Variants in L3MBTL4 observed in about 807,000 individuals in gnomAD.
L3MBTL4 encodes the protein L3MBTL histone methyl-lysine binding protein 4.
L3MBTL4 carries 70 observed loss-of-function variants against 84.5 expected under a neutral mutation model. That is an observed-to-expected ratio of 0.83 (90% CI 0.68 to 1.01). The LOEUF (loss-of-function observed/expected upper bound fraction) is 1.01, where lower values mean the gene tolerates loss of function less well. Among genes scored for constraint, L3MBTL4 ranks in the 50% least tolerant of loss-of-function variants. The pLI, the probability that L3MBTL4 is intolerant of heterozygous loss-of-function variation, is 0.00. For synonymous variants in L3MBTL4, 274 were observed against 259.8 expected (o/e 1.05, Z -0.52); for missense variants, 715 against 754.8 (o/e 0.95, Z 0.62).
intron 14 of L3MBTL4, among the ~76,000 whole-genome samples, chr18:6,093,751 A>G (rs1312090293): frequency 6.6e-6 from 1 of 152,232 alleles, no homozygotes; most frequent in East Asian, 1.9e-4. Context: ...AGATAGATTC[A>G]TCAACACATA....
At chr18:6,075,097 C>A (rs968279631) in intron 16 of L3MBTL4, among the ~76,000 whole-genome samples, 1 of 151,944 alleles carries the variant, frequency 6.6e-6, no homozygotes, top group African/African-American at 2.4e-5. Context: ...TTGGAAGATG[C>A]CAATTCACCT....
chr18:6,398,599 T>C (rs1052941121), intron 1 of L3MBTL4, among the ~76,000 whole-genome samples: 1 of 152,174 alleles, frequency 6.6e-6, no homozygotes, highest in Non-Finnish European at 1.5e-5. Context: ...CTCGCCTTCT[T>C]GTTTTGGTAA....
At chr18:6,015,719 G>A (rs1009312977) in intron 16 of L3MBTL4, among the ~76,000 whole-genome samples, 1 of 152,180 alleles carries the variant, frequency 6.6e-6, no homozygotes, top group African/African-American at 2.4e-5. Context: ...AGCACTTTGG[G>A]AGGCCGAGGT....
chr18:6,412,917 T>G (rs1020178298), intron 1 of L3MBTL4, among the ~76,000 whole-genome samples: 14 of 150,126 alleles, frequency 9.3e-5, no homozygotes, highest in Admixed American at 7.9e-4. Context: ...AGTTTCCGTC[T>G]CTACAAAAAA....
chr18:6,002,170 AT>A (rs1567969833), intron 16 of L3MBTL4, among the ~76,000 whole-genome samples: 1 of 152,170 alleles, frequency 6.6e-6, no homozygotes, highest in Non-Finnish European at 1.5e-5. Flanking sequence ...AAAAAATAAA[AT>A]CATCAACCTA....
chr18:6,009,172 G>T (rs1292241022), intron 16 of L3MBTL4, among the ~76,000 whole-genome samples: 1 of 152,194 alleles, frequency 6.6e-6, no homozygotes, highest in Non-Finnish European at 1.5e-5. Flanking sequence ...AAGGCAGATG[G>T]GCAGGCAGGA....
chr18:6,360,113 T>C (rs1225041385), intron 1 of L3MBTL4, among the ~76,000 whole-genome samples: 1 of 152,232 alleles, frequency 6.6e-6, no homozygotes, highest in Non-Finnish European at 1.5e-5. Context: ...CTCATGCCTA[T>C]AATCCCAACA....
chr18:5,974,837 AC>A (rs2052824061), intron 16 of L3MBTL4, among the ~76,000 whole-genome samples: 2 of 152,046 alleles, frequency 1.3e-5, no homozygotes. Context: ...GGTGACATGC[AC>A]CTGTAGTCTT....
intron 16 of L3MBTL4, chr18:6,025,107 T>C (rs1238483149): frequency 6.6e-6 from 1 of 152,184 alleles, no homozygotes; most frequent in Admixed American, 6.5e-5. Flanking sequence ...GTTACAATTT[T>C]GCAGAGAGCA....
chr18:6,079,969 C>T (rs2058015501), intron 16 of L3MBTL4: 1 of 152,242 alleles, frequency 6.6e-6, no homozygotes, highest in Non-Finnish European at 1.5e-5. Flanking sequence ...GAGATGAAAT[C>T]CACAATTCCT....
chr18:6,077,535 A>G (rs2057898682), intron 16 of L3MBTL4, among the ~76,000 whole-genome samples: 1 of 152,174 alleles, frequency 6.6e-6, no homozygotes. Context: ...TATGCCAAGC[A>G]TACATATGGT....
chr18:6,090,666 C>T (rs984076303), intron 15 of L3MBTL4, among the ~76,000 whole-genome samples: 1 of 149,982 alleles, frequency 6.7e-6, no homozygotes, highest in Admixed American at 6.7e-5. Context: ...CTCACTCTGT[C>T]ACCTAAGCTA....
intron 13 of L3MBTL4, among the ~76,000 whole-genome samples, chr18:6,168,637 A>G (rs958374655): frequency 6.6e-6 from 1 of 152,140 alleles, no homozygotes; most frequent in African/African-American, 2.4e-5. Flanking sequence ...TAGAAAGCTG[A>G]AACTGGATCC....
At chr18:5,965,416 C>T (rs965212010) in intron 17 of L3MBTL4, among the ~76,000 whole-genome samples, 12 of 152,260 alleles carry the variant, frequency 7.9e-5, no homozygotes, top group East Asian at 1.9e-4. Context: ...TAAGTCTTCC[C>T]GAAGGATGCC....
chr18:6,277,739 T>C (rs1039923962), intron 4 of L3MBTL4, among the ~76,000 whole-genome samples: 2 of 152,160 alleles, frequency 1.3e-5, no homozygotes, highest in African/African-American at 4.8e-5. Flanking sequence ...TATTTTATAT[T>C]GTATTGCTAT....
At chr18:6,338,179 AGAG>A (rs921191745) in intron 1 of L3MBTL4, among the ~76,000 whole-genome samples, 7 of 151,698 alleles carry the variant, frequency 4.6e-5, no homozygotes, top group African/African-American at 1.2e-4. Flanking sequence ...AGAAGGAGAA[AGAG>A]GAGGAGGAGG....
chr18:6,224,334 G>C (rs987320697), intron 10 of L3MBTL4, among the ~76,000 whole-genome samples: 1 of 152,164 alleles, frequency 6.6e-6, no homozygotes, highest in Non-Finnish European at 1.5e-5. Flanking sequence ...TTATGTTATA[G>C]AATCCAGGAA....
chr18:6,145,121 G>A (rs761533792), intron 13 of L3MBTL4, among the ~76,000 whole-genome samples: 6 of 152,062 alleles, frequency 3.9e-5, no homozygotes, highest in South Asian at 2.1e-4. Flanking sequence ...CTCAAGTTGC[G>A]TATGTATTTC....
chr18:6,179,229 A>C (rs16949581), intron 12 of L3MBTL4, among the ~76,000 whole-genome samples: 4,210 of 152,252 alleles, frequency 0.028, 231 homozygotes, highest in African/African-American at 0.097. Flanking sequence ...GAGTCCTCAA[A>C]TCTATTTTAC....
Sources: gnomAD v4.1 joint callset for allele counts (sites outside exome capture counted in the v4.1 genomes callset) on GRCh38, gnomAD v4.1.1 for gene constraint, MANE v1.5 for transcripts, NCBI Gene and HGNC (gene_info 2026-07-23, HGNC 2026-07-21) for gene names.